SBF2: variants seen among roughly 807,000 people sequenced by gnomAD.
SBF2 encodes the protein myotubularin-related protein 13.
A neutral mutation model predicts 225.2 loss-of-function variants in SBF2; 112 were observed. The ratio of observed to expected loss-of-function variants is 0.50; its 90% CI spans 0.43 to 0.58. SBF2 has a LOEUF of 0.58. Among genes scored for constraint, SBF2 ranks in the 20% least tolerant of loss-of-function variants. The pLI, the probability that SBF2 is intolerant of heterozygous loss-of-function variation, is 0.00. For synonymous variants in SBF2, 763 were observed against 773.3 expected, an observed-to-expected ratio of 0.99 and a Z score of 0.22; for missense variants, 1,996 against 2,206.2, an observed-to-expected ratio of 0.90 and a Z score of 1.91.
chr11:10,252,458 G>A (rs555667253), intron 1 of SBF2, among the ~76,000 whole-genome samples: 3 of 152,296 alleles, frequency 2.0e-5, no homozygotes, highest in East Asian at 1.9e-4. Flanking sequence ...CAATCCCATC[G>A]GCCATACTTC....
chr11:9,826,991 C>T (rs930231898), intron 28 of SBF2, among the ~76,000 whole-genome samples: 1 of 152,054 alleles, frequency 6.6e-6, no homozygotes, highest in Non-Finnish European at 1.5e-5. Flanking sequence ...GTGTGCACCA[C>T]CACGCCTGGC....
At chr11:9,896,419 C>T (rs1208114442) in intron 16 of SBF2, among the ~76,000 whole-genome samples, 1 of 152,012 alleles carries the variant, frequency 6.6e-6, no homozygotes, top group Non-Finnish European at 1.5e-5. Context: ...TTTTTTTGCA[C>T]ATTTTAACAT....
At chr11:10,294,966 T>A (rs897203069), upstream of SBF2, among the ~76,000 whole-genome samples, 1 of 152,254 alleles carries the variant, frequency 6.6e-6, no homozygotes, top group Admixed American at 6.5e-5. Flanking sequence ...TGCACAAAAA[T>A]GAATAGATGG....
At chr11:10,077,669 A>G (rs1328090267) in intron 2 of SBF2, among the ~76,000 whole-genome samples, 1 of 152,268 alleles carries the variant, frequency 6.6e-6, no homozygotes, top group Non-Finnish European at 1.5e-5. Flanking sequence ...TGTTAGACAT[A>G]AAACCATTAA....
chr11:10,138,101 G>C (rs985222287), intron 2 of SBF2, among the ~76,000 whole-genome samples: 1 of 151,912 alleles, frequency 6.6e-6, no homozygotes, highest in Non-Finnish European at 1.5e-5. Context: ...ATAATTATCT[G>C]GTAAAATCAT....
At chr11:9,988,235 C>G (rs1030840083) in intron 13 of SBF2, among the ~76,000 whole-genome samples, 1 of 152,150 alleles carries the variant, frequency 6.6e-6, no homozygotes, top group African/African-American at 2.4e-5. Flanking sequence ...ACTGGATCCT[C>G]ATCTCTCACC....
intron 2 of SBF2, among the ~76,000 whole-genome samples, chr11:10,139,412 C>T (rs896276426): frequency 6.6e-6 from 1 of 152,054 alleles, no homozygotes; most frequent in Admixed American, 6.5e-5. Flanking sequence ...AGACTGTAGT[C>T]ACTAGATATA....
chr11:9,845,773 C>G, intron 23 of SBF2, 33 bp from the exon 24 acceptor site: 1 of 1,605,590 alleles, frequency 6.2e-7, no homozygotes. Flanking sequence ...ACAAAAGAAG[C>G]ATTAAGGATT....
intron 17 of SBF2, among the ~76,000 whole-genome samples, chr11:9,876,426 T>C (rs1188299535): frequency 6.6e-6 from 1 of 152,100 alleles, no homozygotes; most frequent in Admixed American, 6.5e-5. Context: ...ATATTTGTAG[T>C]AAGGAAGTAA....
At chr11:10,071,937 T>C (rs1950897426) in intron 2 of SBF2, among the ~76,000 whole-genome samples, 1 of 152,164 alleles carries the variant, frequency 6.6e-6, no homozygotes, top group Non-Finnish European at 1.5e-5. Context: ...TACAGAAATT[T>C]GTAGGGAAAT....
At chr11:9,877,311 T>G (rs1014186341) in intron 17 of SBF2, among the ~76,000 whole-genome samples, 1 of 152,234 alleles carries the variant, frequency 6.6e-6, no homozygotes, top group Non-Finnish European at 1.5e-5. Context: ...TGTTCCTATT[T>G]TTGTATGCTC....
chr11:10,231,255 A>T (rs1333277852), intron 1 of SBF2, among the ~76,000 whole-genome samples: 2 of 152,202 alleles, frequency 1.3e-5, no homozygotes, highest in Admixed American at 1.3e-4. Context: ...CATTGGTTCG[A>T]ACTTTCTCCT....
rs139133672 is a variant in SBF2 at position 10,236,521 on chromosome 11, G to A, written c.56-42534C>T. On this transcript the variant is annotated intron_variant, in intron 1 of 39. Transcript: ENST00000256190. Reference sequence around the variant, plus strand: ...GTTACCCAGGCTGGAGTGCAGTGGCGCGATCTCAGCTCGCTGCAACCTCCG... The same window carrying A: ...GTTACCCAGGCTGGAGTGCAGTGGCACGATCTCAGCTCGCTGCAACCTCCG... Among the ~76,000 whole-genome samples, 45 of 152,100 alleles carry A rather than the reference G, an allele frequency of 3.0e-4. No homozygotes were observed. In the East Asian group the frequency reaches 4.5e-3, roughly 15 times the overall value.
At chr11:10,039,797 G>A (rs890054003) in intron 3 of SBF2, among the ~76,000 whole-genome samples, 13 of 151,838 alleles carry the variant, frequency 8.6e-5, no homozygotes, top group African/African-American at 3.1e-4. Context: ...ATGATGAAAA[G>A]TTAAAAAGTA....
chr11:10,186,882 TA>T (rs1321799768), intron 2 of SBF2, among the ~76,000 whole-genome samples: 2 of 152,214 alleles, frequency 1.3e-5, no homozygotes, highest in African/African-American at 4.8e-5. Flanking sequence ...ATTTTTTCAT[TA>T]TACCACAAAG....
intron 24 of SBF2, among the ~76,000 whole-genome samples, chr11:9,845,353 T>C (rs1443298465): frequency 1.3e-5 from 2 of 152,240 alleles, no homozygotes; most frequent in African/African-American, 2.4e-5. Flanking sequence ...GACATGACAG[T>C]CAAAGCCTCT....
chr11:10,113,873 A>G (rs932875909), intron 2 of SBF2, among the ~76,000 whole-genome samples: 1 of 151,718 alleles, frequency 6.6e-6, no homozygotes, highest in African/African-American at 2.4e-5. Context: ...TTGCTTTTAC[A>G]TTTCTCCAGA....
chr11:10,263,267 A>C (rs191199197), intron 1 of SBF2, among the ~76,000 whole-genome samples: 70 of 152,222 alleles, frequency 4.6e-4, no homozygotes, highest in African/African-American at 1.6e-3. Flanking sequence ...TTTAATAATA[A>C]TTACACATTT....
rs75598385 is a variant in SBF2 at position 9,787,644 on chromosome 11, C to T, written c.5027G>A (p.Arg1676Lys). The T allele has an allele frequency of 6.2e-7, 1 of 1,614,064 alleles. No homozygotes were observed. The highest frequency in any genetic ancestry group is 1.1e-5 in the South Asian group (1 of 91,080). Residue 1676 changes from arginine to lysine, a missense_variant, in exon 36 of 40, where the codon AGA becomes AAA. Transcript: ENST00000256190. ...GCATTGCCAACTCACGCGATCTGTT[C>T]TTGGTTCTTCTTTAAGGTCCACGGT... Reference protein sequence around the residue: ...RVTVDLKEEPRTDRSQRHLSR... With the variant: ...RVTVDLKEEPKTDRSQRHLSR...
Sources: allele counts gnomAD v4.1 joint callset (sites outside exome capture counted in the v4.1 genomes callset), GRCh38; gene constraint gnomAD v4.1.1; transcripts MANE v1.5; gene names NCBI Gene and HGNC (gene_info 2026-07-23, HGNC 2026-07-21).